The following OR51B5 variants were observed in gnomAD, a reference collection of about 807,000 sequenced individuals.
The protein encoded by OR51B5 is olfactory receptor family 51 subfamily B member 5, also known as olfactory receptor 51B5.
For missense variants in OR51B5, 456 were observed against 374.6 expected (o/e 1.22, Z -1.79); for synonymous variants, 186 against 144.8 (o/e 1.28, Z -2.04).
At chr11:5,397,393 T>C (rs1164442511) in intron 1 of OR51B5, among the ~76,000 whole-genome samples, 1 of 152,054 alleles carries the variant, frequency 6.6e-6, no homozygotes, top group Non-Finnish European at 1.5e-5. Context: ...GGGCAAAGGA[T>C]ATGAACAGAC....
chr11:5,362,166 C>T (rs1849294362), intron 1 of OR51B5, among the ~76,000 whole-genome samples: 1 of 152,172 alleles, frequency 6.6e-6, no homozygotes, highest in African/African-American at 2.4e-5. Context: ...GCTGAGCTAT[C>T]AGCACTGCAG....
At chr11:5,476,526 C>T (rs1399648411) in intron 1 of OR51B5, among the ~76,000 whole-genome samples, 2 of 152,198 alleles carry the variant, frequency 1.3e-5, no homozygotes, top group Non-Finnish European at 2.9e-5. Flanking sequence ...AAAGAATGAG[C>T]CTCCTTTGTG....
chr11:5,376,650 T>C (rs1849533211), intron 1 of OR51B5, among the ~76,000 whole-genome samples: 2 of 151,896 alleles, frequency 1.3e-5, no homozygotes, highest in Admixed American at 1.3e-4. Flanking sequence ...CCCACAGAAA[T>C]ACAAACTGCC....
At chr11:5,379,840 G>A (rs1424435368) in intron 1 of OR51B5, among the ~76,000 whole-genome samples, 1 of 152,010 alleles carries the variant, frequency 6.6e-6, no homozygotes, top group African/African-American at 2.4e-5. Context: ...TTCTCTCCCT[G>A]GCGTCCTCTC....
rs554122511 is a variant in OR51B5 at position 5,417,119 on chromosome 11, C to T, written n.85-70209G>A. 8.1e-3 allele frequency among the ~76,000 whole-genome samples: 1,226 copies of T among 151,864 alleles called. 18 individuals carry two copies. The highest frequency in any genetic ancestry group is 0.028 in the African/African-American group (1,161 of 41,372). On this transcript the variant is annotated intron_variant and non_coding_transcript_variant, in intron 1 of 4. Coordinates refer to the OR51B5 transcript ENST00000415970. Reference sequence around the variant, plus strand: ...AACAGAACAGAGCCCTCAGAAATAACACCGCATATCTGCAACTATCTGATC... The same window carrying T: ...AACAGAACAGAGCCCTCAGAAATAATACCGCATATCTGCAACTATCTGATC...
At chr11:5,370,066 C>G (rs1849426091) in intron 1 of OR51B5, among the ~76,000 whole-genome samples, 1 of 152,074 alleles carries the variant, frequency 6.6e-6, no homozygotes, top group Non-Finnish European at 1.5e-5. Context: ...ACCTCTCCTG[C>G]CATCTTATGG....
At chr11:5,487,449 G>A (rs1196214317) in intron 1 of OR51B5, among the ~76,000 whole-genome samples, 2 of 152,048 alleles carry the variant, frequency 1.3e-5, no homozygotes, top group Non-Finnish European at 2.9e-5. Context: ...GCCACATAGT[G>A]AGCAGACAGA....
At chr11:5,468,578 C>G in intron 1 of OR51B5, 1 of 437,030 alleles carries the variant, frequency 2.3e-6, no homozygotes, top group Non-Finnish European at 4.6e-6. Flanking sequence ...ATTGGAGGTA[C>G]AAAGAGACAT....
intron 1 of OR51B5, among the ~76,000 whole-genome samples, chr11:5,418,768 AC>A (rs2133757534): frequency 6.6e-6 from 1 of 151,928 alleles, no homozygotes; most frequent in Admixed American, 6.6e-5. Context: ...TAGGAGAAAT[AC>A]CTAATGTAGG....
intron 1 of OR51B5, among the ~76,000 whole-genome samples, chr11:5,382,137 C>G (rs1315245631): frequency 1.3e-5 from 2 of 152,200 alleles, no homozygotes; most frequent in African/African-American, 4.8e-5. Context: ...TAAACTCATT[C>G]AGGGTCTTGC....
At chr11:5,361,638 A>G (rs1168092945) in intron 1 of OR51B5, among the ~76,000 whole-genome samples, 2 of 152,220 alleles carry the variant, frequency 1.3e-5, no homozygotes, top group Non-Finnish European at 1.5e-5. Flanking sequence ...ATAAGAATCT[A>G]TCATCCCAAA....
intron 1 of OR51B5, among the ~76,000 whole-genome samples, chr11:5,411,946 G>A: frequency 6.6e-6 from 1 of 152,140 alleles, no homozygotes; most frequent in Non-Finnish European, 1.5e-5. Flanking sequence ...AAAGCAAGGT[G>A]GTCCAGCCAA....
intron 1 of OR51B5, among the ~76,000 whole-genome samples, chr11:5,461,424 G>T (rs1302896394): frequency 2.0e-5 from 3 of 152,216 alleles, no homozygotes; most frequent in African/African-American, 7.2e-5. Context: ...CTGCAAGCTG[G>T]TAAGGCCAGG....
intron 1 of OR51B5, among the ~76,000 whole-genome samples, chr11:5,376,496 A>G (rs1172559359): frequency 6.6e-6 from 1 of 152,152 alleles, no homozygotes; most frequent in Non-Finnish European, 1.5e-5. Flanking sequence ...GACACAAAAA[A>G]CCCTTCAAAA....
intron 1 of OR51B5, among the ~76,000 whole-genome samples, chr11:5,494,728 A>C (rs1851624432): frequency 6.6e-6 from 1 of 152,150 alleles, no homozygotes; most frequent in Admixed American, 6.6e-5. Flanking sequence ...TATTTTCTCA[A>C]AGATTTATTT....
intron 1 of OR51B5, among the ~76,000 whole-genome samples, chr11:5,394,023 G>A (rs953761236): frequency 1.3e-5 from 2 of 151,868 alleles, no homozygotes; most frequent in African/African-American, 4.8e-5. Flanking sequence ...TTAGTATCAG[G>A]AAAAGATAGC....
chr11:5,343,185 G>T, exon 1 of OR51B5: 1 of 1,613,816 alleles, frequency 6.2e-7, no homozygotes, highest in Middle Eastern at 1.6e-4. Context: ...GCCATGGCAA[G>T]CAGAATGCCA....
At chr11:5,442,647 C>T (rs756113765) in intron 1 of OR51B5, among the ~76,000 whole-genome samples, 4 of 152,116 alleles carry the variant, frequency 2.6e-5, no homozygotes, top group Non-Finnish European at 5.9e-5. Flanking sequence ...TGTATTTTAT[C>T]ATTATTATTT....
upstream of OR51B5, chr11:5,346,967 C>T (rs978861933): frequency 6.6e-6 from 1 of 152,176 alleles, no homozygotes; most frequent in Non-Finnish European, 1.5e-5. Flanking sequence ...TCCCAGATGT[C>T]TCCCTTTTAT....
Sources: allele counts gnomAD v4.1 joint callset (sites outside exome capture counted in the v4.1 genomes callset), GRCh38; gene constraint gnomAD v4.1.1; transcripts MANE v1.5; gene names NCBI Gene and HGNC (gene_info 2026-07-23, HGNC 2026-07-21).